The following SNX24 variants were observed in gnomAD, a reference collection of about 807,000 sequenced individuals.
SNX24 encodes the protein sorting nexin-24.
SNX24 carries 22 observed loss-of-function variants against 28.7 expected under a neutral mutation model. The observed-to-expected ratio is 0.77, with a 90% CI of 0.55 to 1.10. The LOEUF is 1.10. Among genes scored for constraint, SNX24 ranks in the 50% least tolerant of loss-of-function variants. The pLI, the probability that SNX24 is intolerant of heterozygous loss-of-function variation, is 0.00. For synonymous variants in SNX24, 69 were observed against 71.5 expected, an observed-to-expected ratio of 0.96 and a Z score of 0.18; for missense variants, 221 against 201.1, an observed-to-expected ratio of 1.10 and a Z score of -0.60.
chr5:122,894,718 G>A (rs907511481), intron 1 of SNX24, among the ~76,000 whole-genome samples: 1 of 152,200 alleles, frequency 6.6e-6, no homozygotes, highest in African/African-American at 2.4e-5. Flanking sequence ...ACTGCTTCTG[G>A]TAAGGGATGG....
intron 5 of SNX24, chr5:123,028,854 A>T (rs1246732980): frequency 6.2e-7 from 1 of 1,608,710 alleles, no homozygotes; most frequent in Admixed American, 1.7e-5. Context: ...TGCTTCCTTT[A>T]TATCCATATC....
intron 1 of SNX24, among the ~76,000 whole-genome samples, chr5:122,848,796 G>A (rs553864384): frequency 1.4e-4 from 22 of 152,226 alleles, no homozygotes; most frequent in Middle Eastern, 6.8e-3. Flanking sequence ...GAAATGGGTG[G>A]TTTCTCCTCT....
intron 1 of SNX24, among the ~76,000 whole-genome samples, chr5:122,905,316 C>T (rs1757603239): frequency 6.6e-6 from 1 of 152,050 alleles, no homozygotes; most frequent in South Asian, 2.1e-4. Context: ...TTCATTCTGC[C>T]AGCGCACCCT....
At chr5:122,960,778 C>T (rs1760457761) in intron 3 of SNX24, among the ~76,000 whole-genome samples, 1 of 151,982 alleles carries the variant, frequency 6.6e-6, no homozygotes, top group African/African-American at 2.4e-5. Context: ...CTCATCTCAT[C>T]AAAATCACAA....
At chr5:122,968,096 C>T (rs1435505817) in intron 3 of SNX24, among the ~76,000 whole-genome samples, 2 of 152,160 alleles carry the variant, frequency 1.3e-5, no homozygotes, top group East Asian at 3.9e-4. Context: ...CTCTCTACCT[C>T]CCTTAAAACT....
chr5:122,858,771 A>C (rs1192583789), intron 1 of SNX24, among the ~76,000 whole-genome samples: 2 of 149,734 alleles, frequency 1.3e-5, no homozygotes, highest in African/African-American at 2.6e-5. Context: ...ATGACTTATG[A>C]ATGAAGTTGA....
intron 1 of SNX24, among the ~76,000 whole-genome samples, chr5:122,873,588 G>A (rs985331461): frequency 1.3e-5 from 2 of 151,996 alleles, no homozygotes; most frequent in East Asian, 3.9e-4. Flanking sequence ...GGTGTGGAGT[G>A]TGAGGCACAA....
chr5:122,894,139 A>G (rs1320614423), intron 1 of SNX24, among the ~76,000 whole-genome samples: 1 of 152,144 alleles, frequency 6.6e-6, no homozygotes, highest in East Asian at 1.9e-4. Flanking sequence ...AAACCTCTTG[A>G]TTTAAATGTA....
chr5:122,921,013 A>C (rs1392777623), intron 1 of SNX24, among the ~76,000 whole-genome samples: 1 of 152,192 alleles, frequency 6.6e-6, no homozygotes, highest in Admixed American at 6.5e-5. Context: ...GGCATGAGCC[A>C]CCATGCCCAG....
At chr5:122,993,608 G>A (rs1761948366) in intron 3 of SNX24, among the ~76,000 whole-genome samples, 1 of 152,114 alleles carries the variant, frequency 6.6e-6, no homozygotes, top group Non-Finnish European at 1.5e-5. Flanking sequence ...CCTACTGGCT[G>A]CCTTTTTAAA....
At chr5:122,884,709 TGACA>T (rs1756632944) in intron 1 of SNX24, among the ~76,000 whole-genome samples, 1 of 152,200 alleles carries the variant, frequency 6.6e-6, no homozygotes, top group South Asian at 2.1e-4. Flanking sequence ...AGAAAGGTTC[TGACA>T]GACGAGCAGA....
chr5:122,996,710 G>T (rs1198460431), intron 3 of SNX24, among the ~76,000 whole-genome samples: 3 of 152,084 alleles, frequency 2.0e-5, no homozygotes, highest in Non-Finnish European at 4.4e-5. Context: ...TTCAAACTCA[G>T]GTCTTCCTGA....
intron 1 of SNX24, among the ~76,000 whole-genome samples, chr5:122,923,090 G>A (rs1039274841): frequency 6.6e-6 from 1 of 151,914 alleles, no homozygotes; most frequent in Non-Finnish European, 1.5e-5. Flanking sequence ...CAGCATTTTC[G>A]GAGGCTAAGG....
At chr5:122,949,827 A>C (rs1382298114) in intron 3 of SNX24, among the ~76,000 whole-genome samples, 1 of 152,210 alleles carries the variant, frequency 6.6e-6, no homozygotes, top group African/African-American at 2.4e-5. Flanking sequence ...GAAAAACCCT[A>C]GCTGAATATC....
intron 3 of SNX24, among the ~76,000 whole-genome samples, chr5:122,984,988 T>G (rs1412631368): frequency 6.6e-6 from 1 of 152,146 alleles, no homozygotes; most frequent in Non-Finnish European, 1.5e-5. Context: ...CTTATTGAAG[T>G]TGAGATTGTA....
intron 3 of SNX24, among the ~76,000 whole-genome samples, chr5:122,968,595 G>C (rs558892987): frequency 3.9e-5 from 6 of 152,144 alleles, no homozygotes; most frequent in African/African-American, 1.4e-4. Context: ...GCAGTTGTTG[G>C]GTCTACTTGT....
chr5:122,908,206 C>G (rs964957309), intron 1 of SNX24, among the ~76,000 whole-genome samples: 1 of 152,232 alleles, frequency 6.6e-6, no homozygotes, highest in South Asian at 2.1e-4. Flanking sequence ...TTCTGTGATA[C>G]AACCTCATCT....
At chr5:122,860,251 A>C (rs1337718688) in intron 1 of SNX24, among the ~76,000 whole-genome samples, 2 of 152,136 alleles carry the variant, frequency 1.3e-5, no homozygotes, top group Non-Finnish European at 2.9e-5. Flanking sequence ...GTAAATCATG[A>C]TATACAGGGT....
At chr5:122,894,178 G>A (rs914657468) in intron 1 of SNX24, among the ~76,000 whole-genome samples, 1 of 151,942 alleles carries the variant, frequency 6.6e-6, no homozygotes, top group African/African-American at 2.4e-5. Flanking sequence ...ACATTTATTT[G>A]GTTTAAAACT....
Sources: allele counts gnomAD v4.1 joint callset (sites outside exome capture counted in the v4.1 genomes callset), GRCh38; gene constraint gnomAD v4.1.1; transcripts MANE v1.5; gene names NCBI Gene and HGNC (gene_info 2026-07-23, HGNC 2026-07-21).